PHF20: variants seen among roughly 807,000 people sequenced by gnomAD.
The protein encoded by PHF20 is glioma-expressed antigen 2.
A neutral mutation model predicts 113.5 loss-of-function variants in PHF20; 23 were observed. The ratio of observed to expected loss-of-function variants is 0.20; its 90% CI spans 0.15 to 0.29. The LOEUF (loss-of-function observed/expected upper bound fraction) is 0.29, where lower values mean the gene tolerates loss of function less well. Ranked by LOEUF, PHF20 falls within the 10% of genes least tolerant of loss-of-function variation. PHF20 has a pLI of 1.00. For synonymous variants in PHF20, 434 were observed against 457.3 expected (o/e 0.95, Z 0.65); for missense variants, 943 against 1,219.6 (o/e 0.77, Z 3.38).
At chr20:35,804,228 TG>T (rs1370752839) in intron 2 of PHF20, among the ~76,000 whole-genome samples, 15 of 137,614 alleles carry the variant, frequency 1.1e-4, no homozygotes, top group African/African-American at 2.5e-4. Flanking sequence ...AGCTACTGTA[TG>T]TTTTTTTTTT....
chr20:35,808,497 T>G (rs2041922561), intron 2 of PHF20, among the ~76,000 whole-genome samples: 1 of 152,064 alleles, frequency 6.6e-6, no homozygotes, highest in African/African-American at 2.4e-5. Flanking sequence ...GCCTGAGTAA[T>G]GTTGAATTTA....
At chr20:35,786,733 T>C (rs1469437540) in intron 1 of PHF20, among the ~76,000 whole-genome samples, 2 of 152,106 alleles carry the variant, frequency 1.3e-5, no homozygotes, top group Admixed American at 1.3e-4. Flanking sequence ...ACTATATCAC[T>C]CAGAGAGTGT....
At chr20:35,835,544 A>G (rs2042425041) in intron 2 of PHF20, among the ~76,000 whole-genome samples, 1 of 152,258 alleles carries the variant, frequency 6.6e-6, no homozygotes, top group Non-Finnish European at 1.5e-5. Context: ...GTAGAGACTT[A>G]TTAAATGAAT....
At chr20:35,830,784 C>G (rs921026232) in intron 2 of PHF20, among the ~76,000 whole-genome samples, 3 of 150,784 alleles carry the variant, frequency 2.0e-5, no homozygotes, top group Non-Finnish European at 4.4e-5. Context: ...AGGTTTGTTG[C>G]ATAGGTAAAC....
At chr20:35,878,471 A>T (rs1568694385) in intron 9 of PHF20, 6 of 571,318 alleles carry the variant, frequency 1.1e-5, no homozygotes, top group Non-Finnish European at 1.9e-5. Context: ...ACAAACACAG[A>T]TGTTTCCCTT....
chr20:35,878,370 G>A (rs995006168), intron 9 of PHF20: 3 of 392,440 alleles, frequency 7.6e-6, no homozygotes, highest in Non-Finnish European at 1.3e-5. Flanking sequence ...CAGTGAAAAT[G>A]TGTGCCTGCT....
chr20:35,795,191 A>T (rs201670748), intron 1 of PHF20, among the ~76,000 whole-genome samples: 13 of 103,740 alleles, frequency 1.3e-4, no homozygotes, highest in Non-Finnish European at 1.0e-4. Flanking sequence ...ACTCTGTCTT[A>T]AAAAAAAAAA....
intron 2 of PHF20, among the ~76,000 whole-genome samples, chr20:35,819,409 G>A (rs1386196999): frequency 3.9e-5 from 6 of 152,108 alleles, no homozygotes; most frequent in Non-Finnish European, 7.3e-5. Context: ...GGCCTTCCCT[G>A]TTCTTGCTCC....
Position 35,911,233 on chromosome 20 carries a change from A to G in PHF20, c.1562-2016A>G, listed in dbSNP as rs6119678. On this transcript the variant is annotated intron_variant, in intron 10 of 17. Transcript: ENST00000374012. Reference sequence around the variant, plus strand: ...TTTTTTCTGTATTTTTAGTAGAGACAGGGTTTTACCATGTTAGCCAGGATG... The same window carrying G: ...TTTTTTCTGTATTTTTAGTAGAGACGGGGTTTTACCATGTTAGCCAGGATG... 9.4e-3 allele frequency among the ~76,000 whole-genome samples: 1,426 copies of G among 151,848 alleles called. 19 individuals carry two copies. Among genetic ancestry groups the G allele is most frequent in the African/African-American group, 0.029 (1,194 of 41,408 alleles).
At chr20:35,925,992 T>C (rs921653639) in intron 13 of PHF20, among the ~76,000 whole-genome samples, 1 of 151,066 alleles carries the variant, frequency 6.6e-6, no homozygotes, top group African/African-American at 2.4e-5. Context: ...CATGGTGGCA[T>C]GTGCCTATAG....
At position 35,949,585 on chromosome 20, in the gene PHF20, T is replaced by TGAAA. The variant is rs2056142390; in HGVS notation, c.*1958_*1959insGAAA. 1 of 152,670 alleles carries TGAAA rather than the reference T, an allele frequency of 6.6e-6. No homozygotes were observed. The highest frequency in any genetic ancestry group is 2.4e-5 in the African/African-American group (1 of 41,468). 9.5% of individuals were successfully genotyped at this position (152,670 alleles called of 1,614,324 possible). A position where few individuals can be genotyped will look rare whatever the true frequency, so the allele number is the denominator to read the frequency against. On this transcript the variant is annotated 3_prime_UTR_variant, in exon 18 of 18. Transcript: ENST00000374012. ...AATCTCCTTTCATTCATTGTGACTT[T>TGAAA]TGTTCTTAGGGAAGCAGAGAAGACT... is the stretch of plus-strand genomic sequence containing the variant.
intron 17 of PHF20, 42 bp from the exon 18 acceptor site, chr20:35,947,443 G>T (rs764029338): frequency 1.3e-6 from 2 of 1,598,922 alleles, no homozygotes; most frequent in African/African-American, 2.7e-5. Flanking sequence ...CAAATCAAGT[G>T]TTGGGAGTTC....
chr20:35,913,991 T>G, intron 11 of PHF20, 42 bp from the exon 12 acceptor site: 3 of 1,596,536 alleles, frequency 1.9e-6, no homozygotes, highest in Non-Finnish European at 2.6e-6. Flanking sequence ...TGCACCAGTG[T>G]TAACTAGGGT....
At chr20:35,888,050 G>A (rs997550417) in intron 9 of PHF20, among the ~76,000 whole-genome samples, 2 of 148,742 alleles carry the variant, frequency 1.3e-5, no homozygotes, top group Non-Finnish European at 3.0e-5. Flanking sequence ...GTGCGATCTC[G>A]GCCCACCGCA....
intron 5 of PHF20, 120 bp downstream of exon 5, chr20:35,858,501 C>A: frequency 1.8e-6 from 1 of 562,710 alleles, no homozygotes; most frequent in Middle Eastern, 3.0e-4. Context: ...CCATCTGACA[C>A]AATTTCACCA....
At chr20:35,806,623 G>A (rs2041885829) in intron 2 of PHF20, among the ~76,000 whole-genome samples, 1 of 151,938 alleles carries the variant, frequency 6.6e-6, no homozygotes, top group South Asian at 2.1e-4. Flanking sequence ...TATGTACTAA[G>A]CCTCATATTT....
chr20:35,823,322 C>G (rs1055923642), intron 2 of PHF20, among the ~76,000 whole-genome samples: 2 of 150,380 alleles, frequency 1.3e-5, no homozygotes, highest in South Asian at 4.2e-4. Context: ...AGATATGGGC[C>G]GGGAATGGTG....
At chr20:35,928,311 C>T (rs1361368287) in intron 14 of PHF20, among the ~76,000 whole-genome samples, 2 of 151,774 alleles carry the variant, frequency 1.3e-5, no homozygotes, top group African/African-American at 4.8e-5. Context: ...TGGTGACAGG[C>T]GCCTGTAACC....
chr20:35,778,941 G>A (rs187749010), intron 1 of PHF20, among the ~76,000 whole-genome samples: 1 of 152,170 alleles, frequency 6.6e-6, no homozygotes, highest in East Asian at 1.9e-4. Context: ...GACAGTTTTA[G>A]GAAAGAGTGG....
Sources: gnomAD v4.1 joint callset for allele counts (sites outside exome capture counted in the v4.1 genomes callset) on GRCh38, gnomAD v4.1.1 for gene constraint, MANE v1.5 for transcripts, NCBI Gene and HGNC (gene_info 2026-07-23, HGNC 2026-07-21) for gene names.